The following ABL1 variants were observed in gnomAD, a reference collection of about 807,000 sequenced individuals.
The protein encoded by ABL1 is ABL proto-oncogene 1, non-receptor tyrosine kinase, also known as tyrosine-protein kinase ABL1.
Under a neutral mutation model 94.7 loss-of-function variants are expected in ABL1, and 11 were observed. The observed-to-expected ratio is 0.12, with a 90% CI of 0.07 to 0.19. The LOEUF is 0.19. Ranked by LOEUF, ABL1 falls within the 10% of genes least tolerant of loss-of-function variation. ABL1 has a pLI of 1.00. For missense variants in ABL1, 1,082 were observed against 1,489.4 expected (o/e 0.73, Z 4.50); for synonymous variants, 656 against 622.4 (o/e 1.05, Z -0.80).
chr9:130,784,186 A>G (rs2132791522), intron 1 of ABL1, among the ~76,000 whole-genome samples: 1 of 152,356 alleles, frequency 6.6e-6, no homozygotes. Flanking sequence ...CACATGATTT[A>G]GTGATACATA....
intron 1 of ABL1, among the ~76,000 whole-genome samples, chr9:130,768,228 T>C (rs1832208363): frequency 6.6e-6 from 1 of 152,194 alleles, no homozygotes; most frequent in South Asian, 2.1e-4. Flanking sequence ...TCCTTCTTGA[T>C]GGGAAGACTG....
intron 1 of ABL1, among the ~76,000 whole-genome samples, chr9:130,739,305 A>G (rs781272635): frequency 1.3e-5 from 2 of 151,282 alleles, no homozygotes; most frequent in Non-Finnish European, 2.9e-5. Context: ...AGTTCGTAGC[A>G]TCCTCAGCAC....
chr9:130,818,492 C>G (rs1410442164), intron 1 of ABL1, among the ~76,000 whole-genome samples: 2 of 152,098 alleles, frequency 1.3e-5, no homozygotes, highest in African/African-American at 2.4e-5. Flanking sequence ...AATAAAATTT[C>G]AGTTTATCAG....
intron 1 of ABL1, among the ~76,000 whole-genome samples, chr9:130,726,225 T>G (rs1416583445): frequency 6.8e-6 from 1 of 147,560 alleles, no homozygotes; most frequent in Non-Finnish European, 1.5e-5. Flanking sequence ...TACAGCTTGA[T>G]GAATGATCAC....
intron 1 of ABL1, among the ~76,000 whole-genome samples, chr9:130,794,661 C>T (rs994849377): frequency 4.6e-5 from 7 of 152,138 alleles, no homozygotes; most frequent in Non-Finnish European, 8.8e-5. Context: ...TTGGGAAATG[C>T]TTTCATAACT....
At chr9:130,796,877 G>C (rs1412057470) in intron 1 of ABL1, among the ~76,000 whole-genome samples, 79 of 134,722 alleles carry the variant, frequency 5.9e-4, no homozygotes, top group Middle Eastern at 9.4e-3. Context: ...CTGAGATCAC[G>C]CCATTGCACT....
At chr9:130,869,843 G>A (rs1022416621) in intron 4 of ABL1, among the ~76,000 whole-genome samples, 8 of 152,114 alleles carry the variant, frequency 5.3e-5, no homozygotes, top group Non-Finnish European at 7.3e-5. Context: ...TTTCTATTTT[G>A]AGATGAAGTC....
chr9:130,880,657 A>G lies in ABL1; in HGVS notation c.1671A>G (p.Gly557=). The G allele has an allele frequency of 6.2e-7, 1 of 1,613,362 alleles. No homozygotes were observed. The highest frequency in any genetic ancestry group is 1.1e-5 in the South Asian group (1 of 91,054). ...AGATGCCTCACTCCAAGGGCCAGGG[A>G]GAGAGCGGTAAGTCCCCCGCTTCCC... ...VPEMPHSKGQ[G]ESDPLDHEPA... The change falls in exon 10 of 11, where the codon GGA becomes GGG. Residue 557 remains glycine (G), a synonymous_variant. Transcript: ENST00000318560. The surrounding 1 kb of genome is among the most constrained non-coding windows in gnomAD (Gnocchi z 4.4).
At position 130,814,210 on chromosome 9, in the gene ABL1, C is replaced by T. The variant is rs1269931689; in HGVS notation, c.137-39854C>T. ...GCTGAGGCAGGAGAATCGCTTTAAC[C>T]AGGGAGTCGGAGGTTGCAGTGAACC... On this transcript the variant is annotated intron_variant, in intron 1 of 10. Transcript: ENST00000372348. The surrounding 1 kb of genome is among the most constrained non-coding windows in gnomAD (Gnocchi z 4.4). Among the ~76,000 whole-genome samples the T allele has an allele frequency of 1.3e-5, 2 of 151,886 alleles. No homozygotes were observed. Among genetic ancestry groups the T allele is most frequent in the African/African-American group, 4.8e-5 (2 of 41,342 alleles).
intron 3 of ABL1, among the ~76,000 whole-genome samples, chr9:130,859,056 G>A (rs905132304): frequency 2.0e-5 from 3 of 152,122 alleles, no homozygotes; most frequent in Non-Finnish European, 2.9e-5. Context: ...CTGGGTACCC[G>A]GGGATTTGAC....
chr9:130,875,588 A>T (rs1020201153), intron 7 of ABL1, among the ~76,000 whole-genome samples: 1 of 151,806 alleles, frequency 6.6e-6, no homozygotes, highest in African/African-American at 2.4e-5. Flanking sequence ...AACCATCCTT[A>T]GAGTTTCGTA....
chr9:130,800,402 A>T (rs1015535591), intron 1 of ABL1, among the ~76,000 whole-genome samples: 1 of 151,902 alleles, frequency 6.6e-6, no homozygotes, highest in Non-Finnish European at 1.5e-5. Flanking sequence ...AATCTCAGAA[A>T]CCACCACTAC....
intron 1 of ABL1, among the ~76,000 whole-genome samples, chr9:130,767,789 A>G (rs1487292351): frequency 6.6e-6 from 1 of 152,278 alleles, no homozygotes; most frequent in Non-Finnish European, 1.5e-5. Context: ...GTACACACAC[A>G]TTCACAAATA....
chr9:130,816,514 C>G (rs561428297), intron 1 of ABL1, among the ~76,000 whole-genome samples: 1 of 151,144 alleles, frequency 6.6e-6, no homozygotes, highest in East Asian at 1.9e-4. Flanking sequence ...AGCCCCCAAC[C>G]CCAGCATACC....
At chr9:130,795,065 T>C (rs1190965480) in intron 1 of ABL1, among the ~76,000 whole-genome samples, 1 of 152,206 alleles carries the variant, frequency 6.6e-6, no homozygotes, top group Non-Finnish European at 1.5e-5. Context: ...TTGATATGAC[T>C]GGTATGGAGG....
chr9:130,788,687 T>C lies in ABL1; in HGVS notation c.137-65377T>C, dbSNP rs60566871. 7.7e-3 allele frequency among the ~76,000 whole-genome samples: 1,168 copies of C among 152,318 alleles called. 17 individuals are homozygous for C. Among genetic ancestry groups the C allele is most frequent in the African/African-American group, 0.026 (1,088 of 41,568 alleles). ...CTCAGTCTCTCTGCCTTGCATGACA[T>C]TGGTATTTTTCAAGGACATGGAGCA... On this transcript the variant is annotated intron_variant, in intron 1 of 10. Coordinates refer to the ABL1 transcript ENST00000372348.
chr9:130,737,505 A>G (rs1831758963), intron 1 of ABL1, among the ~76,000 whole-genome samples: 1 of 151,810 alleles, frequency 6.6e-6, no homozygotes, highest in Non-Finnish European at 1.5e-5. Flanking sequence ...CTGACCTCAG[A>G]TGATCCACCC....
At chr9:130,836,701 T>A (rs1051868798) in intron 1 of ABL1, among the ~76,000 whole-genome samples, 6 of 151,888 alleles carry the variant, frequency 4.0e-5, no homozygotes, top group Non-Finnish European at 8.8e-5. Context: ...GGTACACGCC[T>A]GTAATCCCAG....
At chr9:130,841,026 CA>C (rs912092675) in intron 1 of ABL1, among the ~76,000 whole-genome samples, 1 of 152,162 alleles carries the variant, frequency 6.6e-6, no homozygotes, top group Non-Finnish European at 1.5e-5. Flanking sequence ...TACTCTGGAA[CA>C]GGGGTGTCCA....
Sources: allele counts gnomAD v4.1 joint callset (sites outside exome capture counted in the v4.1 genomes callset), GRCh38; gene constraint gnomAD v4.1.1; non-coding constraint Gnocchi (gnomAD v3.1); transcripts MANE v1.5; gene names NCBI Gene and HGNC (gene_info 2026-07-23, HGNC 2026-07-21).